The following ADGRV1 variants were observed in gnomAD, a reference collection of about 807,000 sequenced individuals.
ADGRV1 encodes the protein adhesion G protein-coupled receptor V1, also known as G-protein coupled receptor 98.
Under a neutral mutation model 596.2 loss-of-function variants are expected in ADGRV1, and 359 were observed. The ratio of observed to expected loss-of-function variants is 0.60; its 90% CI spans 0.55 to 0.66. The LOEUF (loss-of-function observed/expected upper bound fraction) is 0.66, where lower values mean the gene tolerates loss of function less well. ADGRV1 is among the 30% of genes least tolerant of loss of function. The pLI is 0.00. For synonymous variants in ADGRV1, 2,681 were observed against 2,679.2 expected (o/e 1.00, Z -0.02); for missense variants, 7,274 against 7,575.6 (o/e 0.96, Z 1.48).
chr5:90,759,486 C>G lies in ADGRV1; in HGVS notation c.12018C>G (p.Ile4006Met). The change falls in exon 58 of 90, where the codon ATC (isoleucine) becomes ATG (methionine). Residue 4006 changes from isoleucine (I) to methionine (M), a missense_variant. By Grantham distance (10) the Ile-to-Met change is conservative. Transcript: ENST00000405460. The stretch of plus-strand genomic sequence containing the variant: ...CAGAGACGTTCAATATTTCCTTGAT[C>G]AGTGTTGCTGGAGGTGGCAGACTTG... ...ELTETFNISL[I>M]SVAGGGRLGD... 1 of 1,610,556 alleles carries G rather than the reference C, an allele frequency of 6.2e-7. No homozygotes were observed. Among genetic ancestry groups the G allele is most frequent in the Non-Finnish European group, 8.5e-7 (1 of 1,177,916 alleles).
chr5:91,061,681 A>G (rs1787442056), intron 85 of ADGRV1, among the ~76,000 whole-genome samples: 1 of 152,234 alleles, frequency 6.6e-6, no homozygotes, highest in Admixed American at 6.5e-5. Flanking sequence ...ATATAAGCAT[A>G]TAAGTACATT....
intron 87 of ADGRV1, among the ~76,000 whole-genome samples, chr5:91,129,720 A>G (rs996550692): frequency 3.3e-5 from 5 of 152,230 alleles, no homozygotes; most frequent in African/African-American, 4.8e-5. Flanking sequence ...GTTCTTTTCA[A>G]CTATTAAAAA....
At chr5:90,619,391 T>C (rs1763758859) in intron 4 of ADGRV1, among the ~76,000 whole-genome samples, 1 of 152,142 alleles carries the variant, frequency 6.6e-6, no homozygotes, top group African/African-American at 2.4e-5. Flanking sequence ...ATGATCGTGG[T>C]CATCTTTTGT....
intron 83 of ADGRV1, among the ~76,000 whole-genome samples, chr5:90,883,794 T>C (rs1237766892): frequency 6.6e-6 from 1 of 152,118 alleles, no homozygotes; most frequent in East Asian, 1.9e-4. Context: ...CATGGAGAAG[T>C]GAGTTGCAGT....
intron 87 of ADGRV1, among the ~76,000 whole-genome samples, chr5:91,114,432 C>CA (rs1355873306): frequency 2.0e-5 from 3 of 152,042 alleles, no homozygotes; most frequent in Admixed American, 6.5e-5. Flanking sequence ...AAGGCTGAGG[C>CA]AGGAGAATTT....
chr5:91,089,425 T>A (rs1433797202), intron 86 of ADGRV1, among the ~76,000 whole-genome samples: 22 of 149,972 alleles, frequency 1.5e-4, no homozygotes, highest in African/African-American at 4.9e-4. Context: ...GCAAGGGAAG[T>A]AAAAAAAAAA....
At chr5:91,156,346 A>G (rs1796477344) in intron 89 of ADGRV1, among the ~76,000 whole-genome samples, 1 of 152,210 alleles carries the variant, frequency 6.6e-6, no homozygotes, top group Non-Finnish European at 1.5e-5. Flanking sequence ...AGACAGTCTC[A>G]CCAAGAAACT....
chr5:90,605,921 A>G (rs1348318490), intron 1 of ADGRV1, among the ~76,000 whole-genome samples: 1 of 151,776 alleles, frequency 6.6e-6, no homozygotes, highest in Non-Finnish European at 1.5e-5. Flanking sequence ...CAGCCAAGTA[A>G]AAGGATGATG....
intron 19 of ADGRV1, 63 bp from the exon 20 acceptor site, chr5:90,653,146 T>C (rs1421744059): frequency 7.1e-7 from 1 of 1,403,296 alleles, no homozygotes; most frequent in East Asian, 2.5e-5. Context: ...TTCTTTTTTC[T>C]TCACATTATA....
intron 85 of ADGRV1, among the ~76,000 whole-genome samples, chr5:91,018,391 A>C (rs949326062): frequency 6.6e-6 from 1 of 151,904 alleles, no homozygotes; most frequent in East Asian, 1.9e-4. Context: ...GATATGGGAG[A>C]TTTACATAGC....
In ADGRV1 at chr5:90,750,624, G is replaced by A. The variant is rs752299818; in HGVS notation, c.11048G>A (p.Gly3683Glu). 1 of 1,612,348 alleles carries A rather than the reference G, an allele frequency of 6.2e-7. No individual in the cohort carries two copies. Among genetic ancestry groups the A allele is most frequent in the Admixed American group, 1.7e-5 (1 of 60,004 alleles). ...LVTLNVERLK[G>E]TYGRITIAWE... ...ACCTTGAACGTTGAACGCTTAAAAGGAACATATGGCCGTATAACCATAGCA... is the reference window on the plus strand; with the variant it reads ...ACCTTGAACGTTGAACGCTTAAAAGAAACATATGGCCGTATAACCATAGCA... Residue 3683 changes from glycine (G) to glutamate (E), a missense_variant, in exon 53 of 90, where the codon GGA becomes GAA. Physicochemically the swap from Gly to Glu is moderately conservative, Grantham distance 98. Coordinates refer to ENST00000405460, the MANE Select transcript of ADGRV1 (RefSeq NM_032119.4).
intron 83 of ADGRV1, among the ~76,000 whole-genome samples, chr5:90,919,579 T>G (rs948896978): frequency 9.2e-5 from 14 of 152,344 alleles, no homozygotes; most frequent in African/African-American, 3.4e-4. Flanking sequence ...TGTACTATAA[T>G]TATTAAATGT....
chr5:90,634,360 T>G (rs1453865250), intron 9 of ADGRV1, among the ~76,000 whole-genome samples: 1 of 152,178 alleles, frequency 6.6e-6, no homozygotes, highest in Non-Finnish European at 1.5e-5. Context: ...GGGAAAATGC[T>G]GAAAAGGACA....
intron 20 of ADGRV1, among the ~76,000 whole-genome samples, chr5:90,656,557 C>T (rs1259117094): frequency 1.3e-5 from 2 of 152,082 alleles, no homozygotes; most frequent in Non-Finnish European, 2.9e-5. Context: ...ATAGGATTTC[C>T]CATTGAATCT....
intron 21 of ADGRV1, among the ~76,000 whole-genome samples, chr5:90,668,616 C>T (rs1317680838): frequency 6.6e-6 from 1 of 152,052 alleles, no homozygotes; most frequent in Non-Finnish European, 1.5e-5. Context: ...TGTTCCTATT[C>T]GTCCATCTTG....
intron 84 of ADGRV1, among the ~76,000 whole-genome samples, chr5:90,973,259 A>T (rs920146740): frequency 6.6e-6 from 1 of 152,246 alleles, no homozygotes; most frequent in African/African-American, 2.4e-5. Context: ...TCACAGTCGA[A>T]TTCTACCAGA....
chr5:90,920,461 C>T (rs1274596138), intron 83 of ADGRV1, among the ~76,000 whole-genome samples: 1 of 152,146 alleles, frequency 6.6e-6, no homozygotes, highest in East Asian at 1.9e-4. Context: ...AATTTCTCTT[C>T]AGAGTCTTTT....
At position 90,788,071 on chromosome 5, in the gene ADGRV1, G is replaced by GT. The variant is rs765376986; in HGVS notation, c.13655dup (p.Asn4553GlufsTer18). 6 of 1,589,468 alleles carry GT rather than the reference G, an allele frequency of 3.8e-6. No homozygotes were observed. Among genetic ancestry groups the GT allele is most frequent in the Non-Finnish European group, 4.3e-6 (5 of 1,168,562 alleles). On this transcript the variant is annotated frameshift_variant and splice_region_variant, in exon 68 of 90. Coordinates refer to ENST00000405460, the MANE Select transcript of ADGRV1 (RefSeq NM_032119.4). LOFTEE classifies it high-confidence loss of function. ...TACCAAAACCAAAAACATCCCGCAG[G>GT]TGAACTGGGAGACAGTAGGACCCAA...
chr5:90,580,209 A>T lies in ADGRV1; in HGVS notation c.22+21292A>T, dbSNP rs983242627. Among the ~76,000 whole-genome samples the T allele has an allele frequency of 3.3e-5, 5 of 152,206 alleles. No individual in the cohort carries two copies. In the South Asian group the frequency reaches 1.0e-3, roughly 31 times the overall value. ...TTGATGCAGTTTCTTCACAGCATTG[A>T]TGGCCTTTACAATTTGGCATGTGAT... is the stretch of plus-strand genomic sequence containing the variant. On this transcript the variant is annotated intron_variant, in intron 1 of 89. Transcript: ENST00000405460.
Sources: allele counts gnomAD v4.1 joint callset (sites outside exome capture counted in the v4.1 genomes callset), GRCh38; gene constraint gnomAD v4.1.1; transcripts MANE v1.5; gene names NCBI Gene and HGNC (gene_info 2026-07-23, HGNC 2026-07-21).